Variants in PLPPR1 observed in about 807,000 individuals in gnomAD.
The protein encoded by PLPPR1 is phospholipid phosphatase-related protein type 1.
Under a neutral mutation model 33.1 loss-of-function variants are expected in PLPPR1, and 10 were observed. That is an observed-to-expected ratio of 0.30 (90% CI 0.19 to 0.51). PLPPR1 has a LOEUF of 0.51. Ranked by LOEUF, PLPPR1 falls within the 20% of genes least tolerant of loss-of-function variation. The probability of loss-of-function intolerance (pLI) is 0.97; values close to 1 mark genes in which losing one functional copy is unlikely to be tolerated. For missense variants in PLPPR1, 304 were observed against 408.1 expected, an observed-to-expected ratio of 0.74 and a Z score of 2.20; for synonymous variants, 151 against 151.0, an observed-to-expected ratio of 1.00 and a Z score of 0.00.
At chr9:101,287,941 G>C (rs552753383) in intron 4 of PLPPR1, among the ~76,000 whole-genome samples, 23 of 152,260 alleles carry the variant, frequency 1.5e-4, no homozygotes, top group African/African-American at 4.3e-4. Context: ...ACTACTGTCC[G>C]ATCTATTTCC....
intron 2 of PLPPR1, among the ~76,000 whole-genome samples, chr9:101,220,062 A>ATGTT (rs950012422): frequency 6.6e-6 from 1 of 152,102 alleles, no homozygotes; most frequent in Non-Finnish European, 1.5e-5. Flanking sequence ...GGCATTAGTG[A>ATGTT]TGTTTGGGGC....
rs114965131 is a variant in PLPPR1 at position 101,029,142 on chromosome 9, C to G, written c.-46+40C>G. On this transcript the variant is annotated intron_variant, in intron 1 of 7. Transcript: ENST00000374874. Reference sequence around the variant, plus strand: ...CGCAGCCGGGCCGCTGGGGAAGTCTCTGCACCGGGGCAGTAGGGCAGCGCG... The same window carrying G: ...CGCAGCCGGGCCGCTGGGGAAGTCTGTGCACCGGGGCAGTAGGGCAGCGCG... The G allele has an allele frequency of 7.7e-3, 1,177 of 153,242 alleles. 11 individuals are homozygous for G. Among genetic ancestry groups the G allele is most frequent in the African/African-American group, 0.027 (1,138 of 41,596 alleles). The allele number at this position is 153,242 out of a possible 1,614,324, so 9.5% of individuals were successfully genotyped here. A position where few individuals can be genotyped will look rare whatever the true frequency, so the allele number is the denominator to read the frequency against.
intron 2 of PLPPR1, among the ~76,000 whole-genome samples, chr9:101,220,626 C>A (rs1826912381): frequency 1.3e-5 from 2 of 152,202 alleles, no homozygotes. Context: ...CAGCTCTAGA[C>A]TTTCCTCTTG....
intron 1 of PLPPR1, among the ~76,000 whole-genome samples, chr9:101,166,466 C>CATTCAGACATTAAAGAAAGACAATTAGTA (rs1431938617): frequency 1.3e-5 from 2 of 152,210 alleles, no homozygotes; most frequent in East Asian, 1.9e-4. Flanking sequence ...CTTAGTAATA[C>CATTCAGACATTAAAGAAAGACAATTAGTA]ATTCAGACAT....
chr9:101,215,275 A>T (rs1402795188), intron 2 of PLPPR1, among the ~76,000 whole-genome samples: 2 of 151,772 alleles, frequency 1.3e-5, no homozygotes, highest in Non-Finnish European at 2.9e-5. Flanking sequence ...ACCTGATACT[A>T]GGTCTTTTTT....
At chr9:101,184,185 A>G (rs1347925083) in intron 1 of PLPPR1, among the ~76,000 whole-genome samples, 1 of 151,854 alleles carries the variant, frequency 6.6e-6, no homozygotes, top group African/African-American at 2.4e-5. Flanking sequence ...ATGATTTTAT[A>G]ACAGAAAATA....
At chr9:101,173,899 C>G (rs1176285276) in intron 1 of PLPPR1, among the ~76,000 whole-genome samples, 4 of 152,090 alleles carry the variant, frequency 2.6e-5, no homozygotes, top group Non-Finnish European at 4.4e-5. Flanking sequence ...TTCAGTAGAG[C>G]CCCTCACAAC....
Position 101,286,232 on chromosome 9 carries a change from C to A in PLPPR1, c.381C>A (p.Phe127Leu). The A allele has an allele frequency of 6.2e-7, 1 of 1,613,540 alleles. No individual in the cohort carries two copies. The highest frequency in any genetic ancestry group is 8.5e-7 in the Non-Finnish European group (1 of 1,179,664). ...CCTTACTTCGAAGGATCATAAGATT[C>A]ACAGGTGAGTACAAGATGGTGCTGA... ...LNPLLRRIIR[F>L]TGVFAFGLFA... Residue 127 changes from phenylalanine (F) to leucine (L), a missense_variant, in exon 4 of 8, where the codon TTC (phenylalanine) becomes TTA (leucine). By Grantham distance (22) the Phe-to-Leu change is conservative. Transcript: ENST00000374874.
intron 2 of PLPPR1, among the ~76,000 whole-genome samples, chr9:101,239,214 C>T (rs1000184030): frequency 1.1e-4 from 17 of 151,686 alleles, no homozygotes; most frequent in African/African-American, 4.1e-4. Flanking sequence ...CATATACTTC[C>T]TTTCCTTTGG....
intron 1 of PLPPR1, among the ~76,000 whole-genome samples, chr9:101,081,074 T>A (rs1449950352): frequency 6.6e-6 from 1 of 152,110 alleles, no homozygotes; most frequent in African/African-American, 2.4e-5. Flanking sequence ...TTGTCACCCA[T>A]CCTTCCATTC....
chr9:101,065,826 C>CT (rs1564134643), intron 1 of PLPPR1, among the ~76,000 whole-genome samples: 1 of 151,960 alleles, frequency 6.6e-6, no homozygotes, highest in Non-Finnish European at 1.5e-5. Flanking sequence ...TTAAAAAAAA[C>CT]TTTTTATTTC....
intron 1 of PLPPR1, among the ~76,000 whole-genome samples, chr9:101,077,829 G>T (rs1588018492): frequency 2.0e-5 from 3 of 151,898 alleles, no homozygotes; most frequent in East Asian, 3.9e-4. Flanking sequence ...TTCCAAAAGG[G>T]ACACAGGTGT....
At chr9:101,118,888 G>GTTT (rs71356334) in intron 1 of PLPPR1, among the ~76,000 whole-genome samples, 70,458 of 149,916 alleles carry the variant, frequency 0.47, 16,950 homozygotes, top group Non-Finnish European at 0.53. Context: ...TTGATGCCAT[G>GTTT]TTTTTTTTTG....
intron 2 of PLPPR1, among the ~76,000 whole-genome samples, chr9:101,264,223 G>A (rs567299878): frequency 4.5e-4 from 69 of 152,200 alleles, no homozygotes; most frequent in African/African-American, 1.6e-3. Context: ...CTAAGACATT[G>A]CTTTCATGTC....
At chr9:101,200,720 T>A (rs973316044) in intron 2 of PLPPR1, among the ~76,000 whole-genome samples, 5 of 152,218 alleles carry the variant, frequency 3.3e-5, no homozygotes, top group African/African-American at 1.2e-4. Context: ...CCAACGCATT[T>A]TAATCATTTG....
At chr9:101,136,159 G>T (rs1831375058) in intron 1 of PLPPR1, among the ~76,000 whole-genome samples, 1 of 152,062 alleles carries the variant, frequency 6.6e-6, no homozygotes, top group Non-Finnish European at 1.5e-5. Context: ...TTTAGTGGAG[G>T]GTAAATAGGA....
chr9:101,323,337 A>G (rs1038549039), intron 7 of PLPPR1, among the ~76,000 whole-genome samples: 7 of 151,844 alleles, frequency 4.6e-5, no homozygotes, highest in African/African-American at 1.5e-4. Context: ...TCTACAAAAA[A>G]TTTAAAAGTT....
intron 2 of PLPPR1, among the ~76,000 whole-genome samples, chr9:101,203,819 G>A (rs1047244011): frequency 6.8e-6 from 1 of 147,480 alleles, no homozygotes; most frequent in Non-Finnish European, 1.5e-5. Context: ...ATGGCATTCA[G>A]AATGTGATTT....
At chr9:101,276,374 A>C (rs974926058) in intron 3 of PLPPR1, among the ~76,000 whole-genome samples, 8 of 152,098 alleles carry the variant, frequency 5.3e-5, no homozygotes, top group African/African-American at 1.7e-4. Flanking sequence ...TTTTCTGTCC[A>C]TACTGCAGAT....
Sources: allele counts gnomAD v4.1 joint callset (sites outside exome capture counted in the v4.1 genomes callset), GRCh38; gene constraint gnomAD v4.1.1; transcripts MANE v1.5; gene names NCBI Gene and HGNC (gene_info 2026-07-23, HGNC 2026-07-21).